The following COL20A1 variants were observed in gnomAD, a reference collection of about 807,000 sequenced individuals.
COL20A1 encodes collagen alpha-1(XX) chain.
COL20A1 carries 164 observed loss-of-function variants against 152.9 expected under a neutral mutation model. The ratio of observed to expected loss-of-function variants is 1.07; its 90% CI spans 0.94 to 1.22. COL20A1 has a LOEUF of 1.22. Ranked by LOEUF, COL20A1 falls within the 50% of genes most tolerant of loss-of-function variation. The pLI, the probability that COL20A1 is intolerant of heterozygous loss-of-function variation, is 0.00. For missense variants in COL20A1, 1,873 were observed against 1,744.8 expected (o/e 1.07, Z -1.31); for synonymous variants, 864 against 756.0 (o/e 1.14, Z -2.34).
chr20:63,308,392 A>G (rs1158604863), intron 7 of COL20A1, 150 bp from the exon 8 acceptor site: 8 of 824,206 alleles, frequency 9.7e-6, no homozygotes, highest in South Asian at 1.8e-5. Flanking sequence ...TTCAACAGGT[A>G]GACCCTCCCT....
chr20:63,303,770 T>C (rs894456905), intron 3 of COL20A1, among the ~76,000 whole-genome samples: 1 of 152,152 alleles, frequency 6.6e-6, no homozygotes, highest in Non-Finnish European at 1.5e-5. Flanking sequence ...CCCTTTTCTT[T>C]CCAGGTGTGC....
rs1206679174 is a variant in COL20A1 at position 63,325,475 on chromosome 20, A to C, written c.3329A>C (p.His1110Pro). ...PPGVKGEKGD[H>P]GLPGLQGHPG... ...GGGGTCAAAGGAGAGAAGGGAGACC[A>C]TGGGCTTCCAGGCTTGCAGGTAGTG... Residue 1110 changes from histidine (H) to proline (P), a missense_variant, in exon 28 of 36, where the codon CAT becomes CCT. Physicochemically the swap from His to Pro is moderately conservative, Grantham distance 77. Coordinates refer to ENST00000358894, the MANE Select transcript of COL20A1 (RefSeq NM_020882.4). 6.2e-7 allele frequency: 1 copy of C among 1,612,362 alleles called. No individual in the cohort carries two copies. Among genetic ancestry groups the C allele is most frequent in the African/African-American group, 1.3e-5 (1 of 74,954 alleles).
rs746237593 is a variant in COL20A1 at position 63,308,107 on chromosome 20, C to T, written c.775+17C>T. The T allele has an allele frequency of 1.9e-5, 30 of 1,611,482 alleles. No homozygotes were observed. The highest frequency in any genetic ancestry group is 2.5e-5 in the Non-Finnish European group (29 of 1,179,032). On this transcript the variant is annotated intron_variant, in intron 7 of 35. Transcript: ENST00000358894. ...CGTTCACAGGTACGGCCCAGGCCTG[C>T]CCCTCCCTCTGTCCTGAGGGCGGAC...
Position 63,331,708 on chromosome 20 carries a change from A to G in COL20A1, c.*992A>G, listed in dbSNP as rs1387319686. On this transcript the variant is annotated 3_prime_UTR_variant, in exon 36 of 36. Coordinates refer to ENST00000358894, the MANE Select transcript of COL20A1 (RefSeq NM_020882.4). ...CAAACAAATATTCAGTAACTAGTCC[A>G]CTGTTACCACTTAGGCAGCTAAGCA... The G allele has an allele frequency of 2.0e-5, 3 of 152,182 alleles. No individual in the cohort carries two copies. The highest frequency in any genetic ancestry group is 4.4e-5 in the Non-Finnish European group (3 of 68,042). The allele number at this position is 152,182 out of a possible 1,614,324, so 9.4% of individuals were successfully genotyped here. A position where few individuals can be genotyped will look rare whatever the true frequency, so the allele number is the denominator to read the frequency against.
Position 63,309,500 on chromosome 20 carries a change from G to C in COL20A1, c.1105+3G>C. ...TGGGAGCCCGCGGCAGGGCCCAGGTGAGGGGCAGGGTCACCCGCACAGGCT... is the reference window on the plus strand; with the variant it reads ...TGGGAGCCCGCGGCAGGGCCCAGGTCAGGGGCAGGGTCACCCGCACAGGCT... On this transcript the variant is annotated splice_donor_region_variant and intron_variant, in intron 9 of 35. Transcript: ENST00000358894. 2.0e-6 allele frequency: 3 copies of C among 1,509,538 alleles called. No individual in the cohort carries two copies. Among genetic ancestry groups the C allele is most frequent in the South Asian group, 1.2e-5 (1 of 81,098 alleles). 93.5% of individuals were successfully genotyped at this position (1,509,538 alleles called of 1,614,324 possible). A position where few individuals can be genotyped will look rare whatever the true frequency, so the allele number is the denominator to read the frequency against.
rs2068086738 is a variant in COL20A1, at chr20:63,316,548, C to G, written c.2525-5C>G. ...CGGTGCCCCTTCCCCCACCATCTTC[C>G]CCAGGGTTTGACCTGATGGTGGCCT... On this transcript the variant is annotated splice_region_variant and splice_polypyrimidine_tract_variant and intron_variant, in intron 20 of 35. Coordinates refer to ENST00000358894, the MANE Select transcript of COL20A1 (RefSeq NM_020882.4). 1.3e-6 allele frequency: 2 copies of G among 1,587,414 alleles called. No individual in the cohort carries two copies. Among genetic ancestry groups the G allele is most frequent in the Non-Finnish European group, 1.7e-6 (2 of 1,167,794 alleles).
chr20:63,307,856 T>C, intron 6 of COL20A1, 115 bp from the exon 7 acceptor site: 5 of 1,338,646 alleles, frequency 3.7e-6, no homozygotes, highest in Non-Finnish European at 3.1e-6. Flanking sequence ...GACTGGCTAC[T>C]GTGGCCAGGT....
chr20:63,321,366 G>T (rs1455524097), intron 26 of COL20A1, among the ~76,000 whole-genome samples: 1 of 152,116 alleles, frequency 6.6e-6, no homozygotes, highest in Non-Finnish European at 1.5e-5. Flanking sequence ...CACTGTCAGG[G>T]TTGGGAAGGG....
At chr20:63,309,099 G>A (rs996881846) in intron 8 of COL20A1, among the ~76,000 whole-genome samples, 1 of 152,198 alleles carries the variant, frequency 6.6e-6, no homozygotes, top group Non-Finnish European at 1.5e-5. Context: ...AATCAACTCT[G>A]TCCTGTGGGG....
intron 10 of COL20A1, among the ~76,000 whole-genome samples, 199 bp downstream of exon 10, chr20:63,310,114 C>A (rs2067985205): frequency 6.6e-6 from 1 of 152,092 alleles, no homozygotes; most frequent in Non-Finnish European, 1.5e-5. Flanking sequence ...ATTTTAGTGG[C>A]CGAGGAGGGC....
chr20:63,296,168 C>T (rs1345527058), intron 2 of COL20A1, among the ~76,000 whole-genome samples: 1 of 152,280 alleles, frequency 6.6e-6, no homozygotes, highest in Non-Finnish European at 1.5e-5. Context: ...GTTTGCCCTG[C>T]ACACAGGCAA....
Position 63,326,773 on chromosome 20 carries a change from G to A in COL20A1, c.3478G>A (p.Ala1160Thr). Residue 1160 changes from alanine (A) to threonine (T), a missense_variant, in exon 31 of 36, where the codon GCC becomes ACC. Transcript: ENST00000358894. ...GCAGGGGTTCCAGGGCATGGCAGGGGCCAGGGGCACTAGTGGAGAGCGAGG... is the reference window on the plus strand; with the variant it reads ...GCAGGGGTTCCAGGGCATGGCAGGGACCAGGGGCACTAGTGGAGAGCGAGG... ...GPRGFQGMAG[A>T]RGTSGERGPP... 1 of 1,487,292 alleles carries A rather than the reference G, an allele frequency of 6.7e-7. No individual in the cohort carries two copies. The highest frequency in any genetic ancestry group is 1.4e-5 in the South Asian group (1 of 70,828). 92.1% of individuals were successfully genotyped at this position (1,487,292 alleles called of 1,614,324 possible).
Position 63,312,471 on chromosome 20 carries a change from T to C in COL20A1, c.1855T>C (p.Ser619Pro). ...TSATLGPLSS[S>P]TTYTVRVTCL... The stretch of plus-strand genomic sequence containing the variant: ...GGCCACGCTGGGGCCTCTCTCTTCC[T>C]CCACCACCTACACTGTCCGTGTCAC... Residue 619 changes from serine to proline, a missense_variant, in exon 15 of 36, where the codon TCC becomes CCC. Ser to Pro is a moderately conservative substitution (Grantham distance 74). Transcript: ENST00000358894. 6.2e-7 allele frequency: 1 copy of C among 1,608,318 alleles called. No individual in the cohort carries two copies.
In COL20A1 at chr20:63,313,313, C is replaced by T; in HGVS notation, c.2209+64C>T. On this transcript the variant is annotated intron_variant, in intron 17 of 35. Coordinates refer to ENST00000358894, the MANE Select transcript of COL20A1 (RefSeq NM_020882.4). The surrounding 1 kb of genome is among the most constrained non-coding windows in gnomAD (Gnocchi z 5.9). ...CAGGGATGGCCCAGGGGATCCCTGA[C>T]TCACCCGCTGCACAGGCCCAGGACC... 4 of 1,530,370 alleles carry T rather than the reference C, an allele frequency of 2.6e-6. No individual in the cohort carries two copies. The highest frequency in any genetic ancestry group is 3.6e-6 in the Non-Finnish European group (4 of 1,126,190). The allele number at this position is 1,530,370 out of a possible 1,614,324, so 94.8% of individuals were successfully genotyped here. A position where few individuals can be genotyped will look rare whatever the true frequency, so the allele number is the denominator to read the frequency against.
At chr20:63,307,873 A>T in intron 6 of COL20A1, 98 bp from the exon 7 acceptor site, 1 of 1,454,112 alleles carries the variant, frequency 6.9e-7, no homozygotes, top group Non-Finnish European at 9.4e-7. Context: ...AGGTGACCCC[A>T]CAGAGGCACG....
Position 63,316,665 on chromosome 20 carries a change from G to A in COL20A1, c.2637G>A (p.Lys879=). 1 of 1,573,798 alleles carries A rather than the reference G, an allele frequency of 6.4e-7. No individual in the cohort carries two copies. Among genetic ancestry groups the A allele is most frequent in the Non-Finnish European group, 8.6e-7 (1 of 1,160,524 alleles). The stretch of plus-strand genomic sequence containing the variant: ...GGACCCCGACCTTCACGCTCTTCAA[G>A]GACGCCCAGCTGACAAGACGGGTCA... ...FGGTPTFTLF[K]DAQLTRRVSD... Residue 879 remains lysine (K), a synonymous_variant, in exon 21 of 36, where the codon AAG becomes AAA. Transcript: ENST00000358894.
In COL20A1 at chr20:63,309,404, G is replaced by A. The variant is rs558727931; in HGVS notation, c.1012G>A (p.Val338Met). The A allele has an allele frequency of 7.2e-5, 112 of 1,559,790 alleles. No individual in the cohort carries two copies. In the South Asian group the frequency reaches 1.0e-3, roughly 14 times the overall value. ...SPPRDITVHS[V>M]LDFLQLGALA... ...GCCGAGGGACATCACCGTCCACAGC[G>A]TGCTGGACTTCCTGCAGCTCGGCGC... Residue 338 changes from valine to methionine, a missense_variant, in exon 9 of 36, where the codon GTG becomes ATG. Physicochemically the swap from Val to Met is conservative, Grantham distance 21. Coordinates refer to ENST00000358894, the MANE Select transcript of COL20A1 (RefSeq NM_020882.4).
chr20:63,314,182 G>C lies in COL20A1; in HGVS notation c.2469G>C (p.Val823=). ...ATGCAGCAGGCAGGAGTGAGGCTGT[G>C]TCTGCCACGGGCCAGACAGGTGAGT... ...AIYAAGRSEA[V]SATGQTACPA... Residue 823 remains valine, a synonymous_variant, in exon 19 of 36, where the codon GTG becomes GTC. Transcript: ENST00000358894. 6.4e-7 allele frequency: 1 copy of C among 1,568,694 alleles called. No individual in the cohort carries two copies. Among genetic ancestry groups the C allele is most frequent in the Non-Finnish European group, 8.6e-7 (1 of 1,157,268 alleles).
intron 2 of COL20A1, among the ~76,000 whole-genome samples, chr20:63,295,858 G>A (rs994757566): frequency 6.6e-6 from 1 of 152,260 alleles, no homozygotes; most frequent in Admixed American, 6.5e-5. Context: ...CCTCGGCCAC[G>A]CTGTAAACTT....
Sources: allele counts gnomAD v4.1 joint callset (sites outside exome capture counted in the v4.1 genomes callset), GRCh38; gene constraint gnomAD v4.1.1; non-coding constraint Gnocchi (gnomAD v3.1); transcripts MANE v1.5; gene names NCBI Gene and HGNC (gene_info 2026-07-23, HGNC 2026-07-21).